SAMD3: variants seen among roughly 807,000 people sequenced by gnomAD.
SAMD3 encodes sterile alpha motif domain-containing protein 3.
Under a neutral mutation model 58.5 loss-of-function variants are expected in SAMD3, and 63 were observed. The observed-to-expected ratio is 1.08, with a 90% CI of 0.88 to 1.33. The LOEUF (loss-of-function observed/expected upper bound fraction) is 1.33, where lower values mean the gene tolerates loss of function less well. Among genes scored for constraint, SAMD3 ranks in the 40% most tolerant of loss-of-function variants. The pLI is 0.00. For synonymous variants in SAMD3, 220 were observed against 210.3 expected (o/e 1.05, Z -0.40); for missense variants, 604 against 608.4 (o/e 0.99, Z 0.08).
At chr6:130,218,921 G>A (rs746763753) in intron 1 of SAMD3, among the ~76,000 whole-genome samples, 5 of 152,150 alleles carry the variant, frequency 3.3e-5, no homozygotes, top group Non-Finnish European at 7.4e-5. Context: ...ATCGCAGAAA[G>A]GCTTAGAATG....
Position 130,214,396 on chromosome 6 carries a change from C to CA in SAMD3, c.209dup (p.Lys71GlufsTer24), listed in dbSNP as rs746394213. 3.1e-6 allele frequency: 5 copies of CA among 1,611,210 alleles called. No homozygotes were observed. In the African/African-American group the frequency reaches 5.3e-5, roughly 17 times the overall value. On this transcript the variant is annotated frameshift_variant, in exon 4 of 12. Transcript: ENST00000439090. LOFTEE classifies it high-confidence loss of function. ...CCTTTTTGGGGTTTTCTGGGGACTT[C>CA]AGTCCTTGAGTGTTCTGCTTGTATT...
chr6:130,321,856 T>C (rs1391343328), intron 1 of SAMD3, among the ~76,000 whole-genome samples: 1 of 152,146 alleles, frequency 6.6e-6, no homozygotes, highest in African/African-American at 2.4e-5. Context: ...TAGCTAGATA[T>C]ATTCTACATA....
chr6:130,160,085 T>G (rs1423526298), intron 8 of SAMD3: 2 of 152,150 alleles, frequency 1.3e-5, no homozygotes, highest in Non-Finnish European at 2.9e-5. Context: ...GAGTTGAATA[T>G]CTGCACACCC....
intron 7 of SAMD3, among the ~76,000 whole-genome samples, chr6:130,180,457 T>C (rs931363474): frequency 1.4e-4 from 21 of 151,912 alleles, no homozygotes; most frequent in Non-Finnish European, 7.4e-5. Flanking sequence ...GTTATGGTGT[T>C]TAGGGATGAC....
At position 130,321,283 on chromosome 6, in the gene SAMD3, G is replaced by C. The variant is rs576802309; in HGVS notation, c.-303-8190C>G. On this transcript the variant is annotated intron_variant, in intron 1 of 13. Transcript: ENST00000368134. ...AGGCAAGAAACTGATATCTGTGATC[G>C]AGAGCCAGTGAGCACCTGGGGCTTG... 3.9e-5 allele frequency among the ~76,000 whole-genome samples: 6 copies of C among 152,150 alleles called. No homozygotes were observed. In the East Asian group the frequency reaches 1.2e-3, roughly 29 times the overall value.
chr6:130,226,806 C>A (rs532499129), upstream of SAMD3, among the ~76,000 whole-genome samples: 2 of 151,490 alleles, frequency 1.3e-5, no homozygotes, highest in Non-Finnish European at 2.9e-5. Flanking sequence ...CCAGCCTGGG[C>A]GATAAGAGCG....
At chr6:130,212,250 A>G (rs1163038164) in intron 4 of SAMD3, among the ~76,000 whole-genome samples, 1 of 152,188 alleles carries the variant, frequency 6.6e-6, no homozygotes, top group African/African-American at 2.4e-5. Context: ...TACAACCAAC[A>G]AGAATTTTAA....
chr6:130,303,235 G>A (rs1262739874), intron 2 of SAMD3, among the ~76,000 whole-genome samples: 1 of 151,954 alleles, frequency 6.6e-6, no homozygotes, highest in Non-Finnish European at 1.5e-5. Flanking sequence ...TTCATCTCCA[G>A]AATCACAAAT....
chr6:130,320,917 T>A (rs1776562496), intron 1 of SAMD3, among the ~76,000 whole-genome samples: 1 of 152,222 alleles, frequency 6.6e-6, no homozygotes, highest in East Asian at 1.9e-4. Context: ...TTTGAACACA[T>A]CAAGAATGTG....
At chr6:130,156,391 C>T (rs930671511) in intron 8 of SAMD3, among the ~76,000 whole-genome samples, 34 of 152,180 alleles carry the variant, frequency 2.2e-4, no homozygotes, top group African/African-American at 8.2e-4. Flanking sequence ...TGACACTGAT[C>T]CCCAAACCTG....
chr6:130,169,672 C>T (rs748737041), intron 8 of SAMD3, among the ~76,000 whole-genome samples: 3 of 152,110 alleles, frequency 2.0e-5, no homozygotes, highest in Non-Finnish European at 4.4e-5. Context: ...TCAAGCATGT[C>T]TTGGGGGCTA....
rs75499724 is a variant in SAMD3 at position 130,273,530 on chromosome 6, G to A, written c.-188+39448C>T. On this transcript the variant is annotated intron_variant, in intron 2 of 13. Coordinates refer to the SAMD3 transcript ENST00000368134. ...TGGTAGAGAAGAACTTACAATTGCC[G>A]TTTTGTTGTTTCCTGCTTTGTAGTT... Among the ~76,000 whole-genome samples, 238 of 151,908 alleles carry A rather than the reference G, an allele frequency of 1.6e-3. 1 individual carries two copies. The highest frequency in any genetic ancestry group is 2.1e-3 in the Non-Finnish European group (140 of 67,918).
At chr6:130,246,550 G>A (rs1324501802) in intron 2 of SAMD3, among the ~76,000 whole-genome samples, 2 of 151,880 alleles carry the variant, frequency 1.3e-5, no homozygotes, top group East Asian at 1.9e-4. Flanking sequence ...TACTAAATGG[G>A]TAATTATGTT....
Position 130,167,348 on chromosome 6 carries a change from A to C in SAMD3, c.822+8493T>G, listed in dbSNP as rs183913008. Among the ~76,000 whole-genome samples, 200 of 152,354 alleles carry C rather than the reference A, an allele frequency of 1.3e-3. 1 individual carries two copies. Among genetic ancestry groups the C allele is most frequent in the African/African-American group, 4.7e-3 (194 of 41,584 alleles). On this transcript the variant is annotated intron_variant, in intron 8 of 11. Coordinates refer to ENST00000439090, the MANE Select transcript of SAMD3 (RefSeq NM_001017373.4). The stretch of plus-strand genomic sequence containing the variant: ...GAGAAAGGCAGATAGAAATGGGGAC[A>C]GAAAGGAATAATAAAACCAGAAAAA...
chr6:130,308,349 A>AATTCTATTCT lies in SAMD3; in HGVS notation c.-188+4619_-188+4628dup, dbSNP rs68138988. On this transcript the variant is annotated intron_variant, in intron 2 of 13. Coordinates refer to the SAMD3 transcript ENST00000368134. ...CCTCCTCAATTTGGCAAGTTCATAG[A>AATTCTATTCT]ATTCTATTCTATTCTATTCTATTCT... Among the ~76,000 whole-genome samples the AATTCTATTCT allele has an allele frequency of 5.4e-3, 378 of 69,548 alleles. 29 individuals carry two copies. Among genetic ancestry groups the AATTCTATTCT allele is most frequent in the Middle Eastern group, 0.019 (3 of 158 alleles). The allele number at this position is 69,548 out of a possible 152,430, so 45.6% of individuals were successfully genotyped here.
At chr6:130,163,971 T>A (rs1790494740) in intron 8 of SAMD3, among the ~76,000 whole-genome samples, 1 of 151,900 alleles carries the variant, frequency 6.6e-6, no homozygotes, top group South Asian at 2.1e-4. Context: ...GAATTATAGG[T>A]ATAGTGTTAA....
intron 2 of SAMD3, among the ~76,000 whole-genome samples, chr6:130,305,323 T>C (rs962395262): frequency 6.6e-6 from 1 of 152,334 alleles, no homozygotes; most frequent in Admixed American, 6.5e-5. Context: ...ATATATTCTG[T>C]GGGTTTTATG....
At chr6:130,360,155 T>C (rs1238060479) in intron 1 of SAMD3, among the ~76,000 whole-genome samples, 3 of 152,228 alleles carry the variant, frequency 2.0e-5, no homozygotes, top group Non-Finnish European at 2.9e-5. Flanking sequence ...AGATCAGCAA[T>C]GACACAATGA....
At chr6:130,340,397 C>G (rs1277391588) in intron 1 of SAMD3, among the ~76,000 whole-genome samples, 1 of 152,190 alleles carries the variant, frequency 6.6e-6, no homozygotes, top group Non-Finnish European at 1.5e-5. Flanking sequence ...TCTCTTGCCT[C>G]CCCAGCTCTT....
Sources: gnomAD v4.1 joint callset for allele counts (sites outside exome capture counted in the v4.1 genomes callset) on GRCh38, gnomAD v4.1.1 for gene constraint, MANE v1.5 for transcripts, NCBI Gene and HGNC (gene_info 2026-07-23, HGNC 2026-07-21) for gene names.